The following GMPR variants were observed in gnomAD, a reference collection of about 807,000 sequenced individuals.
The protein encoded by GMPR is GMP reductase 1.
In GMPR, 31 loss-of-function variants were observed where a neutral mutation model predicts 38.4. That is an observed-to-expected ratio of 0.81 (90% CI 0.61 to 1.09). The LOEUF is 1.09. GMPR is among the 50% of genes least tolerant of loss of function. The pLI is 0.00. For missense variants in GMPR, 468 were observed against 453.7 expected (o/e 1.03, Z -0.29); for synonymous variants, 162 against 173.3 (o/e 0.93, Z 0.51).
At chr6:16,239,160 G>T (rs1190344732) in intron 1 of GMPR, among the ~76,000 whole-genome samples, 3 of 152,206 alleles carry the variant, frequency 2.0e-5, no homozygotes. Flanking sequence ...TGCAGATCCC[G>T]GTGATTTTTG....
intron 3 of GMPR, among the ~76,000 whole-genome samples, chr6:16,251,398 C>G (rs1237739372): frequency 1.3e-5 from 2 of 152,174 alleles, no homozygotes; most frequent in African/African-American, 4.8e-5. Flanking sequence ...TGGAGAAACC[C>G]TGTCTTTACT....
In GMPR at chr6:16,258,439, G is replaced by A. The variant is rs530085818; in HGVS notation, c.465+3704G>A. On this transcript the variant is annotated intron_variant, in intron 4 of 8. Transcript: ENST00000259727. ...CAGGAAGGAGGGGGCTGGGTAAGACGAGGGAAAGGGTGTTGTTGCCAGTGC... is the reference window on the plus strand; with the variant it reads ...CAGGAAGGAGGGGGCTGGGTAAGACAAGGGAAAGGGTGTTGTTGCCAGTGC... Among the ~76,000 whole-genome samples the A allele has an allele frequency of 6.6e-5, 10 of 152,334 alleles. No individual in the cohort carries two copies. In the South Asian group the frequency reaches 1.9e-3, roughly 28 times the overall value.
At chr6:16,261,620 T>C (rs993039351) in intron 4 of GMPR, among the ~76,000 whole-genome samples, 2 of 151,954 alleles carry the variant, frequency 1.3e-5, no homozygotes, top group African/African-American at 2.4e-5. Flanking sequence ...TGTCTGGTTT[T>C]AGGACAGGTA....
intron 2 of GMPR, among the ~76,000 whole-genome samples, chr6:16,247,460 C>G (rs186576709): frequency 2.1e-4 from 32 of 151,714 alleles, no homozygotes; most frequent in African/African-American, 7.5e-4. Flanking sequence ...CTGCAACATT[C>G]GCCTCCCTGG....
At chr6:16,249,456 C>T (rs1428958297) in intron 2 of GMPR, among the ~76,000 whole-genome samples, 1 of 152,164 alleles carries the variant, frequency 6.6e-6, no homozygotes, top group East Asian at 1.9e-4. Context: ...AGGAATGTGC[C>T]ACCACGCTTA....
At chr6:16,290,257 C>T (rs1403939460) in intron 7 of GMPR, 4 of 618,272 alleles carry the variant, frequency 6.5e-6, no homozygotes, top group Admixed American at 5.1e-5. Context: ...ATTTGTTTCT[C>T]GCAGTGTCCC....
intron 4 of GMPR, among the ~76,000 whole-genome samples, chr6:16,258,427 G>A (rs1454301681): frequency 3.3e-5 from 5 of 152,236 alleles, no homozygotes; most frequent in African/African-American, 1.2e-4. Flanking sequence ...GAAGGAGGGG[G>A]CTGGGTAAGA....
chr6:16,265,962 G>A (rs919756455), intron 4 of GMPR, among the ~76,000 whole-genome samples: 1 of 152,092 alleles, frequency 6.6e-6, no homozygotes, highest in East Asian at 1.9e-4. Flanking sequence ...CCGGGAGAAA[G>A]GAACAATTGT....
At chr6:16,266,180 TTG>T (rs1759215023) in intron 4 of GMPR, among the ~76,000 whole-genome samples, 1 of 84,312 alleles carries the variant, frequency 1.2e-5, no homozygotes, top group Non-Finnish European at 2.1e-5. Flanking sequence ...GCTGTAACAC[TTG>T]CCATCTTTAA....
chr6:16,291,152 T>G (rs1759834924), intron 8 of GMPR, among the ~76,000 whole-genome samples: 1 of 152,220 alleles, frequency 6.6e-6, no homozygotes, highest in Non-Finnish European at 1.5e-5. Context: ...CAGCAGCATT[T>G]TCAGCCATTC....
intron 2 of GMPR, among the ~76,000 whole-genome samples, chr6:16,249,394 T>G (rs963799607): frequency 6.6e-6 from 1 of 152,178 alleles, no homozygotes; most frequent in African/African-American, 2.4e-5. Flanking sequence ...GGTTTTGAAC[T>G]CCTGACCTCA....
At chr6:16,291,856 A>C (rs140118795) in intron 8 of GMPR, among the ~76,000 whole-genome samples, 1 of 150,892 alleles carries the variant, frequency 6.6e-6, no homozygotes, top group African/African-American at 2.4e-5. Context: ...GGCTGCAGTG[A>C]GCTATGATCG....
At chr6:16,244,442 G>C (rs935564133) in intron 1 of GMPR, among the ~76,000 whole-genome samples, 1 of 151,992 alleles carries the variant, frequency 6.6e-6, no homozygotes, top group African/African-American at 2.4e-5. Flanking sequence ...CTTGAACTGA[G>C]CTCAAGCAAT....
chr6:16,275,290 T>A (rs932901705), intron 5 of GMPR, among the ~76,000 whole-genome samples: 4 of 152,104 alleles, frequency 2.6e-5, no homozygotes, highest in Non-Finnish European at 5.9e-5. Flanking sequence ...AAGAATCTCA[T>A]ACCCAAATGA....
rs144419032 is a variant in GMPR, at chr6:16,244,504, G to A, written c.88-2338G>A. Reference sequence around the variant, plus strand: ...TGGGATTACAGGTGTGAGCTACCACGCCAGCCCATTTGCACTTTTGAGCCC... The same window carrying A: ...TGGGATTACAGGTGTGAGCTACCACACCAGCCCATTTGCACTTTTGAGCCC... On this transcript the variant is annotated intron_variant, in intron 1 of 8. Transcript: ENST00000259727. Among the ~76,000 whole-genome samples the A allele has an allele frequency of 5.6e-3, 853 of 152,188 alleles. 1 individual carries two copies. The highest frequency in any genetic ancestry group is 1.0e-2 in the Non-Finnish European group (677 of 68,000).
intron 4 of GMPR, among the ~76,000 whole-genome samples, chr6:16,256,421 T>C (rs1248031193): frequency 6.7e-6 from 1 of 149,340 alleles, no homozygotes; most frequent in Non-Finnish European, 1.5e-5. Context: ...TCCCAGCTAC[T>C]TGGGAGGCTG....
At chr6:16,281,583 G>C (rs1254138567) in intron 6 of GMPR, among the ~76,000 whole-genome samples, 1 of 152,006 alleles carries the variant, frequency 6.6e-6, no homozygotes, top group African/African-American at 2.4e-5. Context: ...TCAGCTCCCT[G>C]CTAGAATGCC....
intron 4 of GMPR, among the ~76,000 whole-genome samples, chr6:16,266,760 C>G (rs75475395): frequency 1.3e-5 from 2 of 151,072 alleles, no homozygotes; most frequent in Admixed American, 6.6e-5. Flanking sequence ...GACGGCACTC[C>G]GGCCTAGGTG....
chr6:16,269,909 C>T (rs1199687292), intron 4 of GMPR, among the ~76,000 whole-genome samples: 4 of 152,244 alleles, frequency 2.6e-5, no homozygotes, highest in African/African-American at 7.2e-5. Flanking sequence ...CTTCCTGGCT[C>T]ATAGATAGAT....
Sources: allele counts gnomAD v4.1 joint callset (sites outside exome capture counted in the v4.1 genomes callset), GRCh38; gene constraint gnomAD v4.1.1; transcripts MANE v1.5; gene names NCBI Gene and HGNC (gene_info 2026-07-23, HGNC 2026-07-21).